Variants in CACNA1B observed in about 807,000 individuals in gnomAD.
CACNA1B encodes the protein voltage-dependent N-type calcium channel subunit alpha-1B.
CACNA1B carries 70 observed loss-of-function variants against 247.2 expected under a neutral mutation model. The observed-to-expected ratio is 0.28, with a 90% CI of 0.23 to 0.35. The LOEUF (loss-of-function observed/expected upper bound fraction) is 0.35. Ranked by LOEUF, CACNA1B falls within the 10% of genes least tolerant of loss-of-function variation. CACNA1B has a pLI of 1.00. For synonymous variants in CACNA1B, 1,231 were observed against 1,294.4 expected (o/e 0.95, Z 1.05); for missense variants, 2,367 against 3,197.4 (o/e 0.74, Z 6.26).
rs770996803 is a variant in CACNA1B at position 138,058,318 on chromosome 9, A to C, written c.4308+68A>C. On this transcript the variant is annotated intron_variant, in intron 28 of 46. Coordinates refer to ENST00000371372, the MANE Select transcript of CACNA1B (RefSeq NM_000718.4). The surrounding 1 kb of genome is among the most constrained non-coding windows in gnomAD (Gnocchi z 4.7). ...CAGCGCCATCAGGCTTCCCTCCTGCACACAAATCACTCACAGCTGGGTCAG... is the reference window on the plus strand; with the variant it reads ...CAGCGCCATCAGGCTTCCCTCCTGCCCACAAATCACTCACAGCTGGGTCAG... 83 of 1,321,750 alleles carry C rather than the reference A, an allele frequency of 6.3e-5. No homozygotes were observed. The East Asian group carries it at 1.8e-3, about 29-fold the overall frequency. 81.9% of individuals were successfully genotyped at this position (1,321,750 alleles called of 1,614,324 possible). A position where few individuals can be genotyped will look rare whatever the true frequency, so the allele number is the denominator to read the frequency against.
chr9:137,928,687 T>C (rs541018815), intron 6 of CACNA1B, among the ~76,000 whole-genome samples: 1 of 152,350 alleles, frequency 6.6e-6, no homozygotes, highest in African/African-American at 2.4e-5. Flanking sequence ...TCAGAGTTTT[T>C]TGTATGTTCA....
intron 39 of CACNA1B, among the ~76,000 whole-genome samples, chr9:138,109,166 T>C (rs1961538191): frequency 6.6e-6 from 1 of 152,230 alleles, no homozygotes; most frequent in African/African-American, 2.4e-5. Context: ...GAAAGCTTCA[T>C]CAATCATGTA....
In CACNA1B at chr9:138,121,844, G is replaced by A; in HGVS notation, c.6865G>A (p.Gly2289Ser). ...CGAGGAGGCTGTGGCCACCAACTCG[G>A]GCCGCTCCTCCAGGACTTCCTACGT... ...TFEEAVATNS[G>S]RSSRTSYVSS... The change falls in exon 47 of 47, where the codon GGC (glycine) becomes AGC (serine). Residue 2289 changes from glycine (G) to serine (S), a missense_variant. By Grantham distance (56) the Gly-to-Ser change is moderately conservative (BLOSUM62 0). Transcript: ENST00000371372. The surrounding 1 kb of genome is among the most constrained non-coding windows in gnomAD (Gnocchi z 6.8). The A allele has an allele frequency of 1.2e-6, 2 of 1,613,344 alleles. No homozygotes were observed. Among genetic ancestry groups the A allele is most frequent in the Non-Finnish European group, 1.7e-6 (2 of 1,179,886 alleles).
chr9:138,110,936 A>C (rs192972646), intron 39 of CACNA1B, among the ~76,000 whole-genome samples: 31 of 151,632 alleles, frequency 2.0e-4, no homozygotes, highest in African/African-American at 7.6e-4. Flanking sequence ...AAACACATGC[A>C]AAAATGCTTG....
At chr9:137,969,934 C>T (rs1958125541) in intron 10 of CACNA1B, among the ~76,000 whole-genome samples, 1 of 152,138 alleles carries the variant, frequency 6.6e-6, no homozygotes, top group Admixed American at 6.5e-5. Flanking sequence ...GGGCTGGCCA[C>T]ATGCCACTGA....
At chr9:138,114,028 G>C (rs574661692) in intron 40 of CACNA1B, among the ~76,000 whole-genome samples, 2 of 152,192 alleles carry the variant, frequency 1.3e-5, no homozygotes, top group South Asian at 4.1e-4. Flanking sequence ...TGTGGGAGAC[G>C]TGAGGGAGCG....
chr9:137,971,412 A>T lies in CACNA1B; in HGVS notation c.1363A>T (p.Ser455Cys). 6.2e-7 allele frequency: 1 copy of T among 1,613,200 alleles called. No individual in the cohort carries two copies. The highest frequency in any genetic ancestry group is 2.2e-5 in the East Asian group (1 of 44,860). The change falls in exon 11 of 47, where the codon AGC becomes TGC. Residue 455 changes from serine (S) to cysteine (C), a missense_variant. Physicochemically the swap from Ser to Cys is moderately radical, Grantham distance 112. Around this residue, in one of 12 missense-constraint regions of CACNA1B, gnomAD observed 219 missense variants for 297.6 expected, o/e 0.74. Coordinates refer to ENST00000371372, the MANE Select transcript of CACNA1B (RefSeq NM_000718.4). The surrounding 1 kb of genome is among the most constrained non-coding windows in gnomAD (Gnocchi z 4.4). ...CCCCTTCGCCCGCGCCAGCCTCAAG[A>T]GCGGGAAGACAGAGAGCTCGTCATA... ...GSPFARASLK[S>C]GKTESSSYFR... is the part of the protein sequence containing the mutation.
chr9:138,096,401 C>A lies in CACNA1B; in HGVS notation c.5095-83C>A, dbSNP rs796942273. ...GACCCCTGCTATCCTGAGAGCTTCA[C>A]ACACACTGGAGAGTGGTGGGGGGCG... On this transcript the variant is annotated intron_variant, in intron 36 of 46. Transcript: ENST00000371372. The A allele has an allele frequency of 5.0e-6, 6 of 1,188,926 alleles. No homozygotes were observed. The African/African-American group carries it at 7.5e-5, about 15-fold the overall frequency. The allele number at this position is 1,188,926 out of a possible 1,614,324, so 73.6% of individuals were successfully genotyped here. A position where few individuals can be genotyped will look rare whatever the true frequency, so the allele number is the denominator to read the frequency against.
chr9:138,025,249 A>G, intron 20 of CACNA1B, 77 bp downstream of exon 20: 1 of 983,744 alleles, frequency 1.0e-6, no homozygotes, highest in Non-Finnish European at 1.6e-6. Flanking sequence ...CCTGCTCCAC[A>G]GCAGCCACTG....
chr9:137,897,849 T>G (rs1288421429), intron 3 of CACNA1B, among the ~76,000 whole-genome samples: 1 of 151,912 alleles, frequency 6.6e-6, no homozygotes, highest in African/African-American at 2.4e-5. Flanking sequence ...CCAGCTAATT[T>G]TTGTATTTTT....
At chr9:138,093,321 G>A (rs1291793857) in intron 36 of CACNA1B, among the ~76,000 whole-genome samples, 1 of 148,928 alleles carries the variant, frequency 6.7e-6, no homozygotes, top group South Asian at 2.1e-4. Context: ...AGGAGGCTGA[G>A]GCATGAGAAT....
intron 6 of CACNA1B, among the ~76,000 whole-genome samples, chr9:137,922,271 AGCACCACGACCG>A: frequency 6.6e-6 from 1 of 150,390 alleles, no homozygotes; most frequent in Non-Finnish European, 1.5e-5. Context: ...GAACATGATC[AGCACCACGACCG>A]CACAGCATCC....
rs1353582488 is a variant in CACNA1B at position 137,899,918 on chromosome 9, G to A, written c.531-13262G>A. On this transcript the variant is annotated intron_variant, in intron 3 of 46. Coordinates refer to ENST00000371372, the MANE Select transcript of CACNA1B (RefSeq NM_000718.4). The surrounding 1 kb of genome is among the most constrained non-coding windows in gnomAD (Gnocchi z 5.0). ...AGGGGCTGGTCCAGGTTGATGGGGC[G>A]TGGGTAGGGCTCTGTGCCACAGGGA... Among the ~76,000 whole-genome samples the A allele has an allele frequency of 9.2e-5, 14 of 152,174 alleles. No homozygotes were observed. The highest frequency in any genetic ancestry group is 2.4e-4 in the African/African-American group (10 of 41,440).
intron 11 of CACNA1B, 92 bp from the exon 12 acceptor site, chr9:137,975,815 A>T: frequency 2.6e-6 from 2 of 768,088 alleles, no homozygotes; most frequent in South Asian, 2.9e-5. Context: ...CAGCCCTGGG[A>T]AGGCCCAGAG....
chr9:138,055,185 G>A (rs544624208), intron 26 of CACNA1B, among the ~76,000 whole-genome samples: 4 of 147,762 alleles, frequency 2.7e-5, no homozygotes, highest in Non-Finnish European at 5.9e-5. Context: ...GGAGTGCAGT[G>A]CTGCTATTGC....
At chr9:137,931,457 A>G (rs1315848418) in intron 6 of CACNA1B, among the ~76,000 whole-genome samples, 2 of 151,976 alleles carry the variant, frequency 1.3e-5, no homozygotes, top group African/African-American at 2.4e-5. Flanking sequence ...TTCTTTTGTT[A>G]CTTGGATGTG....
chr9:137,944,975 CT>C (rs1457073023), intron 6 of CACNA1B, among the ~76,000 whole-genome samples: 1 of 152,108 alleles, frequency 6.6e-6, no homozygotes, highest in Non-Finnish European at 1.5e-5. Context: ...TAAGACCTTC[CT>C]TTTCAGGGCA....
intron 19 of CACNA1B, 102 bp downstream of exon 19, chr9:138,023,913 C>T: frequency 1.6e-6 from 1 of 634,814 alleles, no homozygotes; most frequent in Non-Finnish European, 2.8e-6. Flanking sequence ...GAGGCTGCAG[C>T]CCCGGCCACG....
chr9:137,892,374 G>A (rs1223092912), intron 3 of CACNA1B: 23 of 456,446 alleles, frequency 5.0e-5, no homozygotes, highest in Non-Finnish European at 8.8e-6. Context: ...AGACCCTGGG[G>A]CAGGCGGGAT....
Sources: gnomAD v4.1 joint callset for allele counts (sites outside exome capture counted in the v4.1 genomes callset) on GRCh38, gnomAD v4.1.1 for gene constraint, gnomAD v4.1.1 regional missense constraint, Gnocchi (gnomAD v3.1) non-coding constraint, MANE v1.5 for transcripts, NCBI Gene and HGNC (gene_info 2026-07-23, HGNC 2026-07-21) for gene names.